The following ST3GAL3 variants were observed in gnomAD, a reference collection of about 807,000 sequenced individuals.
The protein encoded by ST3GAL3 is CMP-N-acetylneuraminate-beta-1,4-galactoside alpha-2,3-sialyltransferase.
Under a neutral mutation model 50.1 loss-of-function variants are expected in ST3GAL3, and 21 were observed. That is an observed-to-expected ratio of 0.42 (90% CI 0.30 to 0.60). The LOEUF is 0.60. ST3GAL3 is among the 20% of genes least tolerant of loss of function. The pLI, the probability that ST3GAL3 is intolerant of heterozygous loss-of-function variation, is 0.19. For synonymous variants in ST3GAL3, 183 were observed against 190.0 expected, an observed-to-expected ratio of 0.96 and a Z score of 0.30; for missense variants, 353 against 489.4, an observed-to-expected ratio of 0.72 and a Z score of 2.63.
chr1:43,835,241 G>A (rs1191711387), intron 4 of ST3GAL3, among the ~76,000 whole-genome samples: 1 of 152,060 alleles, frequency 6.6e-6, no homozygotes, highest in African/African-American at 2.4e-5. Flanking sequence ...TAGAGAGACT[G>A]ACTATTCTGG....
chr1:43,802,680 A>G (rs1300504215), intron 3 of ST3GAL3, among the ~76,000 whole-genome samples: 2 of 152,238 alleles, frequency 1.3e-5, no homozygotes, highest in African/African-American at 4.8e-5. Context: ...TTTTCATGCA[A>G]CATTTTTCAT....
rs2084908552 is a variant in ST3GAL3, at chr1:43,930,779, G to C, written c.*558G>C. On this transcript the variant is annotated 3_prime_UTR_variant, in exon 12 of 12. Coordinates refer to ENST00000347631, the MANE Select transcript of ST3GAL3 (RefSeq NM_006279.5). ...CCAGCCCCCTCCAGCTCATGACACT[G>C]TTTGGCCTTTCTTGGGGAGAAGGCG... The C allele has an allele frequency of 5.0e-6, 1 of 201,132 alleles. No individual in the cohort carries two copies. Among genetic ancestry groups the C allele is most frequent in the Non-Finnish European group, 1.0e-5 (1 of 96,622 alleles). 12.5% of individuals were successfully genotyped at this position (201,132 alleles called of 1,614,324 possible).
chr1:43,807,537 C>A (rs1022368407), intron 3 of ST3GAL3, among the ~76,000 whole-genome samples: 3 of 152,010 alleles, frequency 2.0e-5, no homozygotes, highest in Admixed American at 2.0e-4. Context: ...TAGAATCCAA[C>A]CAAATGTTTT....
At chr1:43,911,617 A>ATATATCTATAGATATC (rs1015382608) in intron 9 of ST3GAL3, among the ~76,000 whole-genome samples, 2 of 134,558 alleles carry the variant, frequency 1.5e-5, no homozygotes, top group African/African-American at 2.8e-5. Flanking sequence ...ATATCTACAG[A>ATATATCTATAGATATC]TATATCTATA....
At chr1:43,820,602 T>G (rs1402267018) in intron 4 of ST3GAL3, among the ~76,000 whole-genome samples, 2 of 152,228 alleles carry the variant, frequency 1.3e-5, no homozygotes, top group African/African-American at 2.4e-5. Context: ...TAGATTTTTT[T>G]TCTTCACTGT....
intron 1 of ST3GAL3, among the ~76,000 whole-genome samples, chr1:43,728,639 T>A (rs1674144784): frequency 6.6e-6 from 1 of 152,180 alleles, no homozygotes; most frequent in Non-Finnish European, 1.5e-5. Context: ...TGGTCCTACC[T>A]ACTTGGGAAG....
intron 4 of ST3GAL3, among the ~76,000 whole-genome samples, chr1:43,834,770 C>A (rs1340588390): frequency 6.6e-6 from 1 of 152,220 alleles, no homozygotes; most frequent in African/African-American, 2.4e-5. Context: ...TGTGTGTCCC[C>A]TCCAAATGTG....
intron 2 of ST3GAL3, among the ~76,000 whole-genome samples, chr1:43,771,548 G>A (rs1695178610): frequency 6.6e-6 from 1 of 152,012 alleles, no homozygotes; most frequent in African/African-American, 2.4e-5. Flanking sequence ...TAGTAGAGAC[G>A]GGATTTCAAC....
At chr1:43,717,749 A>C (rs1182207178) in intron 1 of ST3GAL3, among the ~76,000 whole-genome samples, 2 of 151,774 alleles carry the variant, frequency 1.3e-5, no homozygotes, top group Non-Finnish European at 2.9e-5. Flanking sequence ...CTCAAGTGAT[A>C]TGCCCACCTT....
intron 4 of ST3GAL3, among the ~76,000 whole-genome samples, chr1:43,830,364 C>T (rs894003037): frequency 6.6e-6 from 1 of 152,092 alleles, no homozygotes; most frequent in African/African-American, 2.4e-5. Context: ...TAAGATCTTT[C>T]ATTTTGCTTG....
At position 43,906,582 on chromosome 1, in the gene ST3GAL3, GTTCCTCTTC is replaced by G. The variant is rs2079786259; in HGVS notation, c.744+6856_744+6864del. Among the ~76,000 whole-genome samples, 3 of 92,884 alleles carry G rather than the reference GTTCCTCTTC, an allele frequency of 3.2e-5. No homozygotes were observed. In the Admixed American group the frequency reaches 4.1e-4, roughly 13 times the overall value. 60.9% of individuals were successfully genotyped at this position (92,884 alleles called of 152,430 possible). On this transcript the variant is annotated intron_variant, in intron 9 of 11. Transcript: ENST00000347631. ...TCCCGCCACTCTTCCTCCTCCTCCTGTTCCTCTTCCTGCCACTCTTCCTCCTCCTCCTGC... is the reference window on the plus strand; with the variant it reads ...TCCCGCCACTCTTCCTCCTCCTCCTGCTGCCACTCTTCCTCCTCCTCCTGC...
intron 4 of ST3GAL3, among the ~76,000 whole-genome samples, chr1:43,817,624 TCCCTTCTCCTCC>T (rs1250583109): frequency 7.8e-6 from 1 of 127,822 alleles, no homozygotes; most frequent in Non-Finnish European, 1.7e-5. Context: ...CTTCTCCTCC[TCCCTTCTCCTCC>T]TCCTTCTCCT....
intron 1 of ST3GAL3, among the ~76,000 whole-genome samples, chr1:43,729,739 T>C (rs778514152): frequency 2.1e-4 from 32 of 152,384 alleles, no homozygotes; most frequent in Middle Eastern, 6.8e-3. Context: ...TCAACCCTTG[T>C]TGAAGGACAT....
intron 4 of ST3GAL3, among the ~76,000 whole-genome samples, chr1:43,821,476 C>T (rs12137475): frequency 0.081 from 12,346 of 152,108 alleles, 699 homozygotes; most frequent in Non-Finnish European, 0.12. Context: ...TAAAGGAACA[C>T]AGTTTTATGC....
chr1:43,825,668 G>C (rs565326024), intron 4 of ST3GAL3, among the ~76,000 whole-genome samples: 1 of 152,304 alleles, frequency 6.6e-6, no homozygotes, highest in South Asian at 2.1e-4. Context: ...TTCATCTCAA[G>C]GGCAAAAGAT....
At chr1:43,886,613 G>A (rs556029491) in intron 5 of ST3GAL3, among the ~76,000 whole-genome samples, 1 of 152,278 alleles carries the variant, frequency 6.6e-6, no homozygotes, top group Non-Finnish European at 1.5e-5. Flanking sequence ...CAGAGATAAT[G>A]CATGTGTAAA....
In ST3GAL3 at chr1:43,851,101, C is replaced by T. The variant is rs1033807462; in HGVS notation, c.302+12790C>T. On this transcript the variant is annotated intron_variant, in intron 5 of 11. Transcript: ENST00000347631. Reference sequence around the variant, plus strand: ...ATTCTCATCTGCAGTTTTTCTGCAGCGGGGCATAGTCCAGGTTTTAGGAGG... The same window carrying T: ...ATTCTCATCTGCAGTTTTTCTGCAGTGGGGCATAGTCCAGGTTTTAGGAGG... The T allele has an allele frequency of 1.0e-4, 99 of 955,006 alleles. 1 individual carries two copies. The highest frequency in any genetic ancestry group is 1.4e-4 in the Non-Finnish European group (83 of 581,464). 59.2% of individuals were successfully genotyped at this position (955,006 alleles called of 1,614,324 possible). A position where few individuals can be genotyped will look rare whatever the true frequency, so the allele number is the denominator to read the frequency against.
At chr1:43,816,676 G>C (rs2061282008) in intron 4 of ST3GAL3, among the ~76,000 whole-genome samples, 1 of 152,156 alleles carries the variant, frequency 6.6e-6, no homozygotes, top group Non-Finnish European at 1.5e-5. Flanking sequence ...TGAGGAGGAC[G>C]CTCATCTCCT....
chr1:43,844,055 C>T (rs2065846702), intron 5 of ST3GAL3, among the ~76,000 whole-genome samples: 1 of 152,180 alleles, frequency 6.6e-6, no homozygotes, highest in Non-Finnish European at 1.5e-5. Flanking sequence ...TATGTTTATC[C>T]ATTTATTATA....
Sources: allele counts gnomAD v4.1 joint callset (sites outside exome capture counted in the v4.1 genomes callset), GRCh38; gene constraint gnomAD v4.1.1; transcripts MANE v1.5; gene names NCBI Gene and HGNC (gene_info 2026-07-23, HGNC 2026-07-21).